The following RECK variants were observed in gnomAD, a reference collection of about 807,000 sequenced individuals.
RECK encodes reversion-inducing cysteine-rich protein with Kazal motifs.
In RECK, 69 loss-of-function variants were observed where a neutral mutation model predicts 115.1. The observed-to-expected ratio is 0.60, with a 90% confidence interval of 0.49 to 0.73. The LOEUF (loss-of-function observed/expected upper bound fraction) is 0.73. Among genes scored for constraint, RECK ranks in the 30% least tolerant of loss-of-function variants. The pLI is 0.00. For missense variants in RECK, 1,047 were observed against 1,203.7 expected (o/e 0.87, Z 1.93); for synonymous variants, 414 against 419.7 (o/e 0.99, Z 0.17).
intron 19 of RECK, 96 bp downstream of exon 19, chr9:36,120,832 AG>A (rs1695832860): frequency 1.1e-6 from 1 of 884,034 alleles, no homozygotes; most frequent in South Asian, 1.5e-5. Context: ...TCATAGATAA[AG>A]AAACTAATCT....
chr9:36,115,003 G>C (rs1167270979), intron 16 of RECK, among the ~76,000 whole-genome samples: 2 of 152,118 alleles, frequency 1.3e-5, no homozygotes, highest in Non-Finnish European at 2.9e-5. Context: ...CCATGGGCTT[G>C]TATTATGTGT....
At chr9:36,072,387 G>A (rs1319364001) in intron 6 of RECK, among the ~76,000 whole-genome samples, 2 of 152,216 alleles carry the variant, frequency 1.3e-5, no homozygotes, top group African/African-American at 4.8e-5. Flanking sequence ...CTAAGCTTCA[G>A]TGTGATTGGA....
rs1036343840 is a variant in RECK at position 36,037,027 on chromosome 9, G to A, written c.29G>A (p.Gly10Asp). 4.2e-6 allele frequency: 6 copies of A among 1,429,372 alleles called. No individual in the cohort carries two copies. The African/African-American group carries it at 9.0e-5, about 21-fold the overall frequency. The allele number at this position is 1,429,372 out of a possible 1,614,324, so 88.5% of individuals were successfully genotyped here. ...GCGACCGTCCGGGCCTCTCTGCGAG[G>A]TGCGCTGCTCCTTCTGCTGGCCGTG... MATVRASLR[G>D]ALLLLLAVAG... is the part of the protein sequence containing the mutation. The change falls in exon 1 of 21, where the codon GGT (glycine) becomes GAT (aspartate). Residue 10 changes from glycine (G) to aspartate (D), a missense_variant. By Grantham distance (94) the Gly-to-Asp change is moderately conservative (BLOSUM62 -1). Transcript: ENST00000377966.
At chr9:36,121,445 C>T (rs1408722457) in intron 19 of RECK, 88 bp from the exon 20 acceptor site, 1 of 1,296,730 alleles carries the variant, frequency 7.7e-7, no homozygotes, top group African/African-American at 1.5e-5. Context: ...TCAAAAGAGC[C>T]TCCTCAGCTG....
intron 6 of RECK, among the ~76,000 whole-genome samples, chr9:36,076,136 C>G (rs1822438241): frequency 6.6e-6 from 1 of 152,220 alleles, no homozygotes; most frequent in African/African-American, 2.4e-5. Flanking sequence ...AGAACCCGGA[C>G]TGCCCTACCA....
chr9:36,097,089 C>T (rs376021752), intron 10 of RECK, among the ~76,000 whole-genome samples: 5 of 151,962 alleles, frequency 3.3e-5, no homozygotes, highest in African/African-American at 9.7e-5. Context: ...TTTGGGAGGC[C>T]GAGGCAGGTG....
chr9:36,043,733 A>G (rs1820973363), intron 1 of RECK, among the ~76,000 whole-genome samples: 1 of 152,122 alleles, frequency 6.6e-6, no homozygotes, highest in Non-Finnish European at 1.5e-5. Flanking sequence ...ATTCTTCTAC[A>G]TACAGTTTGC....
At position 36,052,320 on chromosome 9, in the gene RECK, A is replaced by C. The variant is rs562233477; in HGVS notation, c.156A>C (p.Glu52Asp). 6.2e-7 allele frequency: 1 copy of C among 1,602,298 alleles called. No individual in the cohort carries two copies. The highest frequency in any genetic ancestry group is 2.2e-5 in the East Asian group (1 of 44,800). Residue 52 changes from glutamate (E) to aspartate (D), a missense_variant, in exon 2 of 21, where the codon GAA (glutamate) becomes GAC (aspartate). Coordinates refer to ENST00000377966, the MANE Select transcript of RECK (RefSeq NM_021111.3). Reference sequence around the variant, plus strand: ...ACCAAATGTGCCGTGATGTATGTGAACAGGTAAGATTACATAATAATTACA... The same window carrying C: ...ACCAAATGTGCCGTGATGTATGTGACCAGGTAAGATTACATAATAATTACA... ...KDNQMCRDVC[E>D]QIFSSKSESR...
chr9:36,065,412 TTTG>T (rs911817441), intron 5 of RECK, among the ~76,000 whole-genome samples, 162 bp from the exon 6 acceptor site: 1 of 152,130 alleles, frequency 6.6e-6, no homozygotes, highest in Admixed American at 6.5e-5. Context: ...TTGCATGAAA[TTTG>T]TTTGTTGTAT....
chr9:36,082,172 C>G (rs1822736944), intron 7 of RECK, among the ~76,000 whole-genome samples: 1 of 150,842 alleles, frequency 6.6e-6, no homozygotes, highest in African/African-American at 2.4e-5. Flanking sequence ...CTCTCTCTCT[C>G]TCTCTCTCTC....
intron 8 of RECK, 73 bp from the exon 9 acceptor site, chr9:36,087,621 C>T (rs867778750): frequency 8.7e-6 from 13 of 1,488,036 alleles, no homozygotes; most frequent in Middle Eastern, 3.6e-4. Context: ...GCACATGTAT[C>T]CCAGAACTTA....
At chr9:36,065,335 C>A (rs1588288217) in intron 5 of RECK, among the ~76,000 whole-genome samples, 1 of 150,974 alleles carries the variant, frequency 6.6e-6, no homozygotes, top group African/African-American at 2.4e-5. Flanking sequence ...GAAATTAAAG[C>A]CATAAAAGTT....
Position 36,052,326 on chromosome 9 carries a change from A to G in RECK, c.159+3A>G. On this transcript the variant is annotated splice_donor_region_variant and intron_variant, in intron 2 of 20. Coordinates refer to ENST00000377966, the MANE Select transcript of RECK (RefSeq NM_021111.3). Reference sequence around the variant, plus strand: ...TGTGCCGTGATGTATGTGAACAGGTAAGATTACATAATAATTACAGAGGCA... The same window carrying G: ...TGTGCCGTGATGTATGTGAACAGGTGAGATTACATAATAATTACAGAGGCA... The G allele has an allele frequency of 6.3e-7, 1 of 1,595,298 alleles. No individual in the cohort carries two copies. Among genetic ancestry groups the G allele is most frequent in the Non-Finnish European group, 8.6e-7 (1 of 1,163,232 alleles).
chr9:36,098,632 A>G lies in RECK; in HGVS notation c.1086-1699A>G, dbSNP rs556274037. On this transcript the variant is annotated intron_variant, in intron 10 of 20. Transcript: ENST00000377966. ...GCATTTACCCAAGAGACATGAAAACATATGTCCAAATAAAGACCTGTCTAG... is the reference window on the plus strand; with the variant it reads ...GCATTTACCCAAGAGACATGAAAACGTATGTCCAAATAAAGACCTGTCTAG... Among the ~76,000 whole-genome samples the G allele has an allele frequency of 2.6e-5, 4 of 152,324 alleles. No individual in the cohort carries two copies. The East Asian group carries it at 7.7e-4, about 29-fold the overall frequency.
chr9:36,087,918 G>T lies in RECK; in HGVS notation c.862G>T (p.Ala288Ser), dbSNP rs763312722. The T allele has an allele frequency of 6.2e-6, 10 of 1,613,512 alleles. No individual in the cohort carries two copies. Among genetic ancestry groups the T allele is most frequent in the Non-Finnish European group, 8.5e-6 (10 of 1,179,516 alleles). Residue 288 changes from alanine (A) to serine (S), a missense_variant, in exon 9 of 21, where the codon GCT becomes TCT. Transcript: ENST00000377966. ...HPPPSTGLDG[A>S]KLHCCSKANT... is the part of the protein sequence containing the mutation. ...TCCTCCCTCTACAGGCCTCGATGGG[G>T]CTAAATTGCATTGTTGTTCTAAAGC...
chr9:36,105,013 C>T (rs1394209082), intron 12 of RECK, 130 bp from the exon 13 acceptor site: 3 of 618,470 alleles, frequency 4.9e-6, no homozygotes, highest in African/African-American at 1.9e-5. Flanking sequence ...GTTTTAATAG[C>T]TTGGTAGAAT....
At chr9:36,044,210 A>G (rs1820989507) in intron 1 of RECK, among the ~76,000 whole-genome samples, 1 of 145,922 alleles carries the variant, frequency 6.9e-6, no homozygotes, top group Non-Finnish European at 1.5e-5. Context: ...ATTCCTAAGT[A>G]TTTTATTTTA....
intron 6 of RECK, among the ~76,000 whole-genome samples, chr9:36,069,485 A>AC (rs1174731129): frequency 8.5e-6 from 1 of 117,990 alleles, no homozygotes; most frequent in Non-Finnish European, 1.6e-5. Flanking sequence ...GGTTGCAAAA[A>AC]AAAAAAAAAA....
chr9:36,084,016 G>A (rs766221349), intron 8 of RECK, among the ~76,000 whole-genome samples: 22 of 152,086 alleles, frequency 1.4e-4, no homozygotes, highest in Non-Finnish European at 2.8e-4. Context: ...CATCAATACA[G>A]CATTGATTAA....
Sources: gnomAD v4.1 joint callset for allele counts (sites outside exome capture counted in the v4.1 genomes callset) on GRCh38, gnomAD v4.1.1 for gene constraint, MANE v1.5 for transcripts, NCBI Gene and HGNC (gene_info 2026-07-23, HGNC 2026-07-21) for gene names.